PTPN14: variants seen among roughly 807,000 people sequenced by gnomAD.
PTPN14 encodes protein tyrosine phosphatase non-receptor type 14, also known as tyrosine-protein phosphatase non-receptor type 14.
In PTPN14, 53 loss-of-function variants were observed where a neutral mutation model predicts 126.8. The ratio of observed to expected loss-of-function variants is 0.42; its 90% CI spans 0.34 to 0.53. The LOEUF (loss-of-function observed/expected upper bound fraction) is 0.53. Among genes scored for constraint, PTPN14 ranks in the 20% least tolerant of loss-of-function variants. The pLI is 0.08. For missense variants in PTPN14, 1,257 were observed against 1,552.9 expected (o/e 0.81, Z 3.20); for synonymous variants, 630 against 599.3 (o/e 1.05, Z -0.75).
At chr1:214,397,838 G>T in intron 8 of PTPN14, 75 bp downstream of exon 8, 2 of 1,220,044 alleles carry the variant, frequency 1.6e-6, no homozygotes, top group Non-Finnish European at 2.4e-6. Context: ...TAACTCATTT[G>T]GATGTTAATG....
intron 18 of PTPN14, among the ~76,000 whole-genome samples, chr1:214,359,917 A>C (rs909632134): frequency 2.0e-5 from 3 of 152,202 alleles, no homozygotes. Flanking sequence ...TCATTAATGA[A>C]AGGAAATTAA....
chr1:214,532,725 T>G (rs536826922), intron 1 of PTPN14: 7 of 786,682 alleles, frequency 8.9e-6, no homozygotes, highest in Non-Finnish European at 1.6e-5. Flanking sequence ...GAGAGCAGCA[T>G]TACGGGCTCT....
At chr1:214,438,958 G>T (rs982042304) in intron 3 of PTPN14, among the ~76,000 whole-genome samples, 2 of 152,174 alleles carry the variant, frequency 1.3e-5, no homozygotes, top group African/African-American at 4.8e-5. Flanking sequence ...CTAAACACAA[G>T]AACTTAATTT....
At position 214,354,145 on chromosome 1, in the gene PTPN14, G is replaced by A. The variant is rs1657763366; in HGVS notation, c.*3777C>T. On this transcript the variant is annotated 3_prime_UTR_variant, in exon 19 of 19. Coordinates refer to ENST00000366956, the MANE Select transcript of PTPN14 (RefSeq NM_005401.5). ...TCTACAAAGACCCTCTCTTCAGGCT[G>A]ATGAAAGAGGGGGCCAGAGATGGCC... 6.6e-6 allele frequency: 1 copy of A among 152,208 alleles called. No individual in the cohort carries two copies. Among genetic ancestry groups the A allele is most frequent in the Admixed American group, 6.5e-5 (1 of 15,288 alleles). The allele number at this position is 152,208 out of a possible 1,614,324, so 9.4% of individuals were successfully genotyped here.
chr1:214,419,299 C>T (rs1297729528), intron 3 of PTPN14, among the ~76,000 whole-genome samples: 3 of 152,186 alleles, frequency 2.0e-5, no homozygotes, highest in African/African-American at 7.2e-5. Flanking sequence ...TCCTGGTCTG[C>T]TCTTCCCTCC....
chr1:214,546,320 C>T (rs558623583), intron 1 of PTPN14, among the ~76,000 whole-genome samples: 5 of 152,296 alleles, frequency 3.3e-5, no homozygotes, highest in African/African-American at 1.2e-4. Flanking sequence ...CAATCTACTG[C>T]CTTGGCTAAT....
intron 3 of PTPN14, among the ~76,000 whole-genome samples, chr1:214,443,819 G>A (rs748833796): frequency 3.0e-4 from 45 of 152,340 alleles, no homozygotes; most frequent in South Asian, 1.2e-3. Context: ...CTGGTCCCAG[G>A]AGACATTTGC....
chr1:214,478,472 T>C (rs1558121359), intron 1 of PTPN14, among the ~76,000 whole-genome samples: 1 of 152,006 alleles, frequency 6.6e-6, no homozygotes, highest in Non-Finnish European at 1.5e-5. Context: ...CTCAGAGATA[T>C]AAGAGGAGGA....
chr1:214,440,946 T>A (rs114190472), intron 3 of PTPN14, among the ~76,000 whole-genome samples: 1 of 152,170 alleles, frequency 6.6e-6, no homozygotes, highest in South Asian at 2.1e-4. Flanking sequence ...TCAGCCCTCA[T>A]AGTACTAGTT....
chr1:214,421,035 C>T (rs1314936376), intron 3 of PTPN14, among the ~76,000 whole-genome samples: 1 of 152,214 alleles, frequency 6.6e-6, no homozygotes, highest in Non-Finnish European at 1.5e-5. Context: ...TCACATGATT[C>T]AGCAATTATG....
chr1:214,391,848 A>G (rs1018360175), intron 10 of PTPN14, among the ~76,000 whole-genome samples: 1 of 152,172 alleles, frequency 6.6e-6, no homozygotes, highest in Non-Finnish European at 1.5e-5. Context: ...GAGGTAATAT[A>G]GCAATGGTGG....
At chr1:214,548,317 C>A (rs576537029) in intron 1 of PTPN14, among the ~76,000 whole-genome samples, 1 of 152,294 alleles carries the variant, frequency 6.6e-6, no homozygotes, top group African/African-American at 2.4e-5. Flanking sequence ...ACCCCTTGGA[C>A]CACTCAATAA....
At chr1:214,361,451 C>A (rs1021281748) in intron 18 of PTPN14, among the ~76,000 whole-genome samples, 2 of 152,168 alleles carry the variant, frequency 1.3e-5, no homozygotes, top group African/African-American at 4.8e-5. Flanking sequence ...GAAAGTTCTC[C>A]TGGTCTTCAA....
intron 3 of PTPN14, among the ~76,000 whole-genome samples, chr1:214,439,549 C>A (rs138933946): frequency 3.3e-3 from 507 of 152,260 alleles, no homozygotes; most frequent in Admixed American, 5.5e-3. Context: ...AAACGTCAGG[C>A]GAAATGTCTA....
chr1:214,386,929 C>CA lies in PTPN14; in HGVS notation c.988-8dup. On this transcript the variant is annotated splice_polypyrimidine_tract_variant and splice_region_variant and intron_variant, in intron 11 of 18. Transcript: ENST00000366956. ...TGTACGGCTGCTGCCTGGGCTGAAA[C>CA]AGAGAACACAGAGGAGGTGGGGAGG... is the stretch of plus-strand genomic sequence containing the variant. 5 of 1,585,472 alleles carry CA rather than the reference C, an allele frequency of 3.2e-6. No homozygotes were observed. The South Asian group carries it at 5.6e-5, about 18-fold the overall frequency.
At chr1:214,399,589 A>T (rs1658969683) in intron 7 of PTPN14, among the ~76,000 whole-genome samples, 1 of 152,126 alleles carries the variant, frequency 6.6e-6, no homozygotes, top group Non-Finnish European at 1.5e-5. Flanking sequence ...AGAGGCCAAA[A>T]CTTTCACCTC....
At chr1:214,452,591 C>T (rs4301608) in intron 2 of PTPN14, among the ~76,000 whole-genome samples, 140,900 of 152,302 alleles carry the variant, frequency 0.93, 65,326 homozygotes, top group African/African-American at 0.98. Flanking sequence ...GGATCGCCTC[C>T]TCACAGCTGC....
intron 5 of PTPN14, among the ~76,000 whole-genome samples, chr1:214,405,625 C>T (rs575562864): frequency 1.3e-5 from 2 of 148,924 alleles, no homozygotes; most frequent in Non-Finnish European, 3.0e-5. Flanking sequence ...AAAAAAAAAG[C>T]ATAGAGTGAT....
rs761722509 is a variant in PTPN14 at position 214,384,112 on chromosome 1, G to A, written c.1743C>T (p.Asp581=). The change falls in exon 13 of 19, where the codon GAC becomes GAT. Residue 581 remains aspartate, a synonymous_variant. Transcript: ENST00000366956. The surrounding 1 kb of genome is among the most constrained non-coding windows in gnomAD (Gnocchi z 5.3). The stretch of plus-strand genomic sequence containing the variant: ...CGTACTTGTGGCGGTGGCTGGCCAG[G>A]TCTGGGGTGCTGGTGGCAGGTCGTG... ...PRPRPATSTP[D]LASHRHKYVS... is the part of the protein sequence containing the mutation. 1.9e-6 allele frequency: 3 copies of A among 1,575,404 alleles called. No individual in the cohort carries two copies. The highest frequency in any genetic ancestry group is 3.4e-5 in the Admixed American group (2 of 58,434).
Sources: gnomAD v4.1 joint callset for allele counts (sites outside exome capture counted in the v4.1 genomes callset) on GRCh38, gnomAD v4.1.1 for gene constraint, Gnocchi (gnomAD v3.1) non-coding constraint, MANE v1.5 for transcripts, NCBI Gene and HGNC (gene_info 2026-07-23, HGNC 2026-07-21) for gene names.